NXPH1: variants seen among roughly 807,000 people sequenced by gnomAD.
NXPH1 encodes neurexophilin-1.
NXPH1 carries 5 observed loss-of-function variants against 23.7 expected under a neutral mutation model. The ratio of observed to expected loss-of-function variants is 0.21; its 90% confidence interval spans 0.11 to 0.44. The LOEUF (loss-of-function observed/expected upper bound fraction) is 0.44. NXPH1 is among the 20% of genes least tolerant of loss of function. NXPH1 has a pLI of 0.99. For synonymous variants in NXPH1, 144 were observed against 122.2 expected (o/e 1.18, Z -1.18); for missense variants, 324 against 321.6 (o/e 1.01, Z -0.06).
intron 2 of NXPH1, among the ~76,000 whole-genome samples, chr7:8,471,168 G>A (rs968083832): frequency 4.6e-5 from 7 of 152,048 alleles, no homozygotes; most frequent in Non-Finnish European, 8.8e-5. Flanking sequence ...TGGAACTGCC[G>A]AGTTTAGCGT....
chr7:8,700,655 C>T (rs966459084), intron 2 of NXPH1, among the ~76,000 whole-genome samples: 9 of 152,210 alleles, frequency 5.9e-5, no homozygotes, highest in South Asian at 2.1e-4. Context: ...AAATAGTTTT[C>T]GTTCTTTATG....
intron 2 of NXPH1, among the ~76,000 whole-genome samples, chr7:8,531,070 C>CAGAG (rs929801611): frequency 2.0e-5 from 3 of 152,120 alleles, no homozygotes; most frequent in Non-Finnish European, 2.9e-5. Context: ...TGGCACTGAA[C>CAGAG]AGAGACACAA....
intron 2 of NXPH1, among the ~76,000 whole-genome samples, chr7:8,681,007 G>C (rs549608311): frequency 6.6e-6 from 1 of 152,334 alleles, no homozygotes; most frequent in South Asian, 2.1e-4. Flanking sequence ...TGAGGCTACA[G>C]AGGTAAAGAG....
chr7:8,688,140 A>G (rs1019689846), intron 2 of NXPH1, among the ~76,000 whole-genome samples: 15 of 152,256 alleles, frequency 9.9e-5, no homozygotes, highest in African/African-American at 3.1e-4. Context: ...TTACTTTGGC[A>G]GAGGTCTGTG....
intron 2 of NXPH1, among the ~76,000 whole-genome samples, chr7:8,689,342 A>G (rs1485053772): frequency 1.3e-5 from 2 of 151,688 alleles, no homozygotes; most frequent in African/African-American, 2.4e-5. Flanking sequence ...CCAACTTACT[A>G]TCAGTCAGCT....
intron 2 of NXPH1, among the ~76,000 whole-genome samples, chr7:8,455,268 T>C (rs933039939): frequency 5.3e-5 from 8 of 152,168 alleles, no homozygotes; most frequent in African/African-American, 1.7e-4. Context: ...AGAAAATAAA[T>C]TGGCTTAAAT....
intron 2 of NXPH1, among the ~76,000 whole-genome samples, chr7:8,642,147 A>T (rs925213596): frequency 6.6e-6 from 1 of 152,206 alleles, no homozygotes; most frequent in Non-Finnish European, 1.5e-5. Context: ...TAGCTTCCTT[A>T]AAAAGGGTGT....
intron 2 of NXPH1, among the ~76,000 whole-genome samples, chr7:8,650,639 A>G (rs1425038931): frequency 2.6e-5 from 4 of 152,230 alleles, no homozygotes; most frequent in African/African-American, 7.2e-5. Flanking sequence ...ACATTATACA[A>G]TGACAATCAT....
chr7:8,632,346 A>G (rs1820149245), intron 2 of NXPH1, among the ~76,000 whole-genome samples: 1 of 152,068 alleles, frequency 6.6e-6, no homozygotes, highest in Admixed American at 6.6e-5. Context: ...GTTGATTGCA[A>G]TTTACTTCTA....
chr7:8,703,971 G>C (rs1779666064), intron 2 of NXPH1, among the ~76,000 whole-genome samples: 1 of 152,088 alleles, frequency 6.6e-6, no homozygotes, highest in African/African-American at 2.4e-5. Flanking sequence ...GAAGAATGAA[G>C]TCTGACCCAG....
chr7:8,485,735 T>A (rs941820885), intron 2 of NXPH1, among the ~76,000 whole-genome samples: 1 of 152,196 alleles, frequency 6.6e-6, no homozygotes, highest in Non-Finnish European at 1.5e-5. Context: ...ATTTTTCAAC[T>A]GTAGGCTAAT....
intron 2 of NXPH1, among the ~76,000 whole-genome samples, chr7:8,540,743 G>A (rs1818102798): frequency 6.6e-6 from 1 of 151,728 alleles, no homozygotes; most frequent in Non-Finnish European, 1.5e-5. Flanking sequence ...GAAAATGTTA[G>A]GGGTAACAGT....
At chr7:8,695,292 G>A (rs1045535431) in intron 2 of NXPH1, among the ~76,000 whole-genome samples, 4 of 152,154 alleles carry the variant, frequency 2.6e-5, no homozygotes, top group African/African-American at 9.7e-5. Context: ...TATCTTCATA[G>A]CACAGGTGGC....
chr7:8,562,574 A>G (rs1290011602), intron 2 of NXPH1, among the ~76,000 whole-genome samples: 3 of 151,300 alleles, frequency 2.0e-5, no homozygotes, highest in Non-Finnish European at 3.0e-5. Flanking sequence ...TGATTTTTAC[A>G]GATATTCTTT....
At chr7:8,666,785 T>C (rs916009472) in intron 2 of NXPH1, among the ~76,000 whole-genome samples, 1 of 152,052 alleles carries the variant, frequency 6.6e-6, no homozygotes, top group Non-Finnish European at 1.5e-5. Context: ...AATTTATCAA[T>C]TTATTCTAGA....
rs1337784077 is a variant in NXPH1, at chr7:8,633,973, TAG to T, written c.55-117031_55-117030del. On this transcript the variant is annotated intron_variant, in intron 2 of 2. Transcript: ENST00000405863. Reference sequence around the variant, plus strand: ...ACCTTTGCTTAAGAGCATCTGTAAATAGAGATTTCTTCCTATTATGGGGTCAT... The same window carrying T: ...ACCTTTGCTTAAGAGCATCTGTAAATAGATTTCTTCCTATTATGGGGTCAT... Among the ~76,000 whole-genome samples the T allele has an allele frequency of 6.2e-3, 946 of 152,324 alleles. 19 individuals carry two copies. The highest frequency in any genetic ancestry group is 0.022 in the African/African-American group (899 of 41,582).
At chr7:8,437,400 G>T (rs1490191837) in intron 2 of NXPH1, among the ~76,000 whole-genome samples, 5 of 141,780 alleles carry the variant, frequency 3.5e-5, no homozygotes, top group African/African-American at 1.3e-4. Flanking sequence ...CGACGGGGGC[G>T]GGGGGGAGGT....
intron 2 of NXPH1, among the ~76,000 whole-genome samples, chr7:8,748,948 G>T (rs1486149992): frequency 6.6e-6 from 1 of 152,172 alleles, no homozygotes; most frequent in Non-Finnish European, 1.5e-5. Context: ...GCAAATAGGA[G>T]ACTGCTTCTT....
At chr7:8,554,563 T>C (rs1172477428) in intron 2 of NXPH1, among the ~76,000 whole-genome samples, 1 of 151,750 alleles carries the variant, frequency 6.6e-6, no homozygotes, top group Non-Finnish European at 1.5e-5. Context: ...GTGTTATCTA[T>C]GTTCCACATA....
Sources: allele counts gnomAD v4.1 joint callset (sites outside exome capture counted in the v4.1 genomes callset), GRCh38; gene constraint gnomAD v4.1.1; transcripts MANE v1.5; gene names NCBI Gene and HGNC (gene_info 2026-07-23, HGNC 2026-07-21).